The following SLC38A1 variants were observed in gnomAD, a reference collection of about 807,000 sequenced individuals.
SLC38A1 encodes the protein solute carrier family 38 member 1.
In SLC38A1, 18 loss-of-function variants were observed where a neutral mutation model predicts 60.3. That is an observed-to-expected ratio of 0.30 (90% CI 0.21 to 0.44). SLC38A1 has a LOEUF of 0.44. Among genes scored for constraint, SLC38A1 ranks in the 20% least tolerant of loss-of-function variants. The probability of loss-of-function intolerance (pLI) is 1.00; values close to 1 mark genes in which losing one functional copy is unlikely to be tolerated. For synonymous variants in SLC38A1, 196 were observed against 212.1 expected (o/e 0.92, Z 0.66); for missense variants, 448 against 587.2 (o/e 0.76, Z 2.45).
chr12:46,241,565 A>G (rs1384880516), intron 2 of SLC38A1, among the ~76,000 whole-genome samples: 1 of 152,122 alleles, frequency 6.6e-6, no homozygotes, highest in Non-Finnish European at 1.5e-5. Context: ...GGACAGGGAG[A>G]TTTGACCTCA....
intron 3 of SLC38A1, 142 bp downstream of exon 3, chr12:46,239,537 T>G: frequency 1.2e-6 from 1 of 827,792 alleles, no homozygotes; most frequent in Non-Finnish European, 1.9e-6. Context: ...GTTGGTGGGT[T>G]TCACCATGTT....
At position 46,196,075 on chromosome 12, in the gene SLC38A1, G is replaced by T. The variant is rs146151413; in HGVS notation, c.1362+1645C>A. The stretch of plus-strand genomic sequence containing the variant: ...TGCAGACCAGAGCTGTTCCTATTTG[G>T]CTATCTTGGAAGCAACCTCAGGTAT... On this transcript the variant is annotated intron_variant, in intron 16 of 16. Transcript: ENST00000398637. 4,148 of 1,440,764 alleles carry T rather than the reference G, an allele frequency of 2.9e-3. 16 individuals are homozygous for T. The highest frequency in any genetic ancestry group is 5.9e-3 in the Middle Eastern group (34 of 5,748). 89.2% of individuals were successfully genotyped at this position (1,440,764 alleles called of 1,614,324 possible).
At chr12:46,197,562 TATG>T (rs1388949784) in intron 16 of SLC38A1, 155 bp downstream of exon 16, 1 of 594,748 alleles carries the variant, frequency 1.7e-6, no homozygotes, top group Non-Finnish European at 3.0e-6. Flanking sequence ...AAGATTCTGA[TATG>T]ATATTTTAAA....
chr12:46,203,070 G>T lies in SLC38A1; in HGVS notation c.842C>A (p.Thr281Asn). Residue 281 changes from threonine (T) to asparagine (N), a missense_variant, in exon 12 of 17, where the codon ACC (threonine) becomes AAC (asparagine). Thr to Asn is a moderately conservative substitution (Grantham distance 65, BLOSUM62 0). This residue lies in a region of SLC38A1 where 346 missense variants were observed against 497.5 expected (regional missense o/e 0.70). Coordinates refer to ENST00000398637, the MANE Select transcript of SLC38A1 (RefSeq NM_030674.4). ...GTGGCAAACAAATGCAAATGCAATG[G>T]TGGGTAAAGCATACACGGTCTATTT... ...FNSKTVYALP[T>N]IAFAFVCHPS... 1 of 1,613,916 alleles carries T rather than the reference G, an allele frequency of 6.2e-7. No homozygotes were observed. Among genetic ancestry groups the T allele is most frequent in the Non-Finnish European group, 8.5e-7 (1 of 1,179,850 alleles).
chr12:46,250,917 C>A lies in SLC38A1; in HGVS notation c.-208-7603G>T, dbSNP rs111660144. Among the ~76,000 whole-genome samples, 234 of 152,258 alleles carry A rather than the reference C, an allele frequency of 1.5e-3. 1 individual carries two copies. Among genetic ancestry groups the A allele is most frequent in the African/African-American group, 5.2e-3 (215 of 41,550 alleles). The stretch of plus-strand genomic sequence containing the variant: ...GATATTGTGTAAATGGCCATACTGC[C>A]CAAGGTAATGTATAGATTCAATGCC... On this transcript the variant is annotated intron_variant, in intron 1 of 16. Transcript: ENST00000398637.
chr12:46,237,259 A>G (rs1236850664), intron 3 of SLC38A1, among the ~76,000 whole-genome samples: 1 of 152,246 alleles, frequency 6.6e-6, no homozygotes, highest in East Asian at 1.9e-4. Flanking sequence ...AATTTGAGAA[A>G]GCCGCAGGAA....
At chr12:46,202,721 T>C (rs1471426813) in intron 12 of SLC38A1, among the ~76,000 whole-genome samples, 2 of 152,188 alleles carry the variant, frequency 1.3e-5, no homozygotes, top group African/African-American at 4.8e-5. Context: ...ACTTAAACTT[T>C]CCTCGGTGAT....
intron 1 of SLC38A1, among the ~76,000 whole-genome samples, chr12:46,266,934 A>G (rs1942370062): frequency 6.6e-6 from 1 of 152,210 alleles, no homozygotes. Flanking sequence ...ACACCAGGTC[A>G]GTACCCCGGA....
chr12:46,240,016 T>C (rs551052052), intron 2 of SLC38A1, 123 bp from the exon 3 acceptor site: 112 of 505,726 alleles, frequency 2.2e-4, no homozygotes, highest in African/African-American at 2.0e-3. Context: ...TGCTACTAGA[T>C]GCATTAAAGC....
chr12:46,241,883 G>GTTAGTTAATTCA (rs1180790844), intron 2 of SLC38A1, among the ~76,000 whole-genome samples: 1 of 152,142 alleles, frequency 6.6e-6, no homozygotes, highest in Admixed American at 6.6e-5. Flanking sequence ...TTCAGCGGAT[G>GTTAGTTAATTCA]GCATTTCCAA....
At chr12:46,242,040 A>G (rs1393630404) in intron 2 of SLC38A1, among the ~76,000 whole-genome samples, 2 of 152,178 alleles carry the variant, frequency 1.3e-5, no homozygotes, top group South Asian at 2.1e-4. Context: ...ATGTATGTAT[A>G]TATATGTGAG....
rs1257239774 is a variant in SLC38A1, at chr12:46,184,511, A to G, written c.*4459T>C. On this transcript the variant is annotated 3_prime_UTR_variant, in exon 17 of 17. Transcript: ENST00000398637. ...AGACTAATAGATTTTGCTCTAAGGT[A>G]TAAAATCCATTATCTGATCATATTC... The G allele has an allele frequency of 6.6e-6, 1 of 152,192 alleles. No homozygotes were observed. Among genetic ancestry groups the G allele is most frequent in the African/African-American group, 2.4e-5 (1 of 41,438 alleles). 9.4% of individuals were successfully genotyped at this position (152,192 alleles called of 1,614,324 possible).
At chr12:46,191,314 C>A (rs1314495305) in intron 16 of SLC38A1, among the ~76,000 whole-genome samples, 1 of 152,188 alleles carries the variant, frequency 6.6e-6, no homozygotes, top group Non-Finnish European at 1.5e-5. Context: ...GGTACCAGTA[C>A]CATGCTGTTT....
chr12:46,199,725 A>T (rs1362122295), intron 13 of SLC38A1, among the ~76,000 whole-genome samples: 1 of 152,122 alleles, frequency 6.6e-6, no homozygotes, highest in Non-Finnish European at 1.5e-5. Flanking sequence ...AGACTAACAA[A>T]GCTAGAATGG....
rs140333362 is a variant in SLC38A1 at position 46,197,841 on chromosome 12, A to G, written c.1265-24T>C. ...TCCTGTAAAATAAGACAAAAGAGAAAGTTTAGCATTGCTATTGTGAAAATT... is the reference window on the plus strand; with the variant it reads ...TCCTGTAAAATAAGACAAAAGAGAAGGTTTAGCATTGCTATTGTGAAAATT... On this transcript the variant is annotated intron_variant, in intron 15 of 16. Transcript: ENST00000398637. 12,350 of 1,596,724 alleles carry G rather than the reference A, an allele frequency of 7.7e-3. 1,515 individuals carry two copies. The Admixed American group carries it at 0.2, about 26-fold the overall frequency.
intron 3 of SLC38A1, chr12:46,239,166 C>G (rs1437398844): frequency 6.6e-6 from 1 of 152,424 alleles, no homozygotes; most frequent in Non-Finnish European, 1.5e-5. Context: ...GAATAAATTA[C>G]TTTCCTATTT....
intron 2 of SLC38A1, among the ~76,000 whole-genome samples, chr12:46,242,633 AC>A (rs1296221221): frequency 1.3e-5 from 2 of 152,032 alleles, no homozygotes. Flanking sequence ...CAAAACAACA[AC>A]AAAAAATCAA....
At chr12:46,248,608 TCAA>T (rs1941711208) in intron 1 of SLC38A1, among the ~76,000 whole-genome samples, 1 of 152,108 alleles carries the variant, frequency 6.6e-6, no homozygotes, top group South Asian at 2.1e-4. Context: ...ATTAGACAGA[TCAA>T]CGAGACAGAA....
At chr12:46,196,490 T>C (rs1175222329) in intron 16 of SLC38A1, among the ~76,000 whole-genome samples, 1 of 152,184 alleles carries the variant, frequency 6.6e-6, no homozygotes, top group Non-Finnish European at 1.5e-5. Context: ...TTAATCTGAA[T>C]ATATTGTCCT....
Sources: gnomAD v4.1 joint callset for allele counts (sites outside exome capture counted in the v4.1 genomes callset) on GRCh38, gnomAD v4.1.1 for gene constraint, gnomAD v4.1.1 regional missense constraint, MANE v1.5 for transcripts, NCBI Gene and HGNC (gene_info 2026-07-23, HGNC 2026-07-21) for gene names.